Variants in THSD7B observed in about 807,000 individuals in gnomAD.
THSD7B encodes thrombospondin type-1 domain-containing protein 7B.
In THSD7B, 138 loss-of-function variants were observed where a neutral mutation model predicts 213.6. That is an observed-to-expected ratio of 0.65 (90% CI 0.56 to 0.74). THSD7B has a LOEUF of 0.74. Among genes scored for constraint, THSD7B ranks in the 30% least tolerant of loss-of-function variants. The pLI is 0.00. For missense variants in THSD7B, 1,931 were observed against 1,991.5 expected, an observed-to-expected ratio of 0.97 and a Z score of 0.58; for synonymous variants, 742 against 687.0, an observed-to-expected ratio of 1.08 and a Z score of -1.25.
chr2:136,785,993 T>C (rs1481553061), intron 1 of THSD7B, among the ~76,000 whole-genome samples: 1 of 152,180 alleles, frequency 6.6e-6, no homozygotes, highest in Non-Finnish European at 1.5e-5. Flanking sequence ...CAGAAAAAAG[T>C]TTAACTGACA....
At chr2:136,815,989 A>G (rs1682466673) in intron 1 of THSD7B, among the ~76,000 whole-genome samples, 1 of 152,034 alleles carries the variant, frequency 6.6e-6, no homozygotes, top group South Asian at 2.1e-4. Flanking sequence ...GGCTCAAGTG[A>G]TCCTCCTGCC....
At chr2:137,521,450 T>C (rs1466792069) in intron 15 of THSD7B, among the ~76,000 whole-genome samples, 1 of 152,042 alleles carries the variant, frequency 6.6e-6, no homozygotes, top group African/African-American at 2.4e-5. Context: ...GCAGCACACC[T>C]TCATCTAAGG....
intron 12 of THSD7B, among the ~76,000 whole-genome samples, chr2:137,283,365 C>G (rs1683083474): frequency 6.6e-6 from 1 of 152,180 alleles, no homozygotes; most frequent in African/African-American, 2.4e-5. Flanking sequence ...TTGACTTCCT[C>G]TTTTCCTAAT....
intron 1 of THSD7B, among the ~76,000 whole-genome samples, chr2:136,786,134 G>A (rs1681843222): frequency 6.7e-6 from 1 of 149,058 alleles, no homozygotes. Context: ...ATGCAGTGTA[G>A]ACAATTAGAC....
intron 1 of THSD7B, among the ~76,000 whole-genome samples, chr2:136,802,930 T>C (rs1480003188): frequency 2.0e-5 from 3 of 151,830 alleles, no homozygotes; most frequent in African/African-American, 7.3e-5. Context: ...ACATTTTGCC[T>C]ACATCAGAGC....
At chr2:137,310,989 C>G (rs1683889177) in intron 12 of THSD7B, among the ~76,000 whole-genome samples, 1 of 150,790 alleles carries the variant, frequency 6.6e-6, no homozygotes. Context: ...GTGATGCGGG[C>G]TCTTTTTTGC....
In THSD7B at chr2:137,321,734, G is replaced by A. The variant is rs545780835; in HGVS notation, c.2500+45708G>A. Among the ~76,000 whole-genome samples, 3 of 152,312 alleles carry A rather than the reference G, an allele frequency of 2.0e-5. No homozygotes were observed. The East Asian group carries it at 5.8e-4, about 29-fold the overall frequency. ...AAGGGCCTTCAAATGAACGTTCCAG[G>A]ATGGTGAGCAGTGCATCCCTTTCAA... On this transcript the variant is annotated intron_variant, in intron 12 of 27. Transcript: ENST00000409968.
chr2:137,379,330 A>G (rs1482418452), intron 12 of THSD7B, among the ~76,000 whole-genome samples: 3 of 152,236 alleles, frequency 2.0e-5, no homozygotes, highest in Admixed American at 6.5e-5. Context: ...GCAGCTTTGC[A>G]TATGGTACTT....
intron 1 of THSD7B, among the ~76,000 whole-genome samples, chr2:136,839,526 C>T (rs1025851756): frequency 6.6e-6 from 1 of 152,182 alleles, no homozygotes; most frequent in East Asian, 1.9e-4. Context: ...TATTGTTTCA[C>T]TATATACTCA....
intron 12 of THSD7B, among the ~76,000 whole-genome samples, chr2:137,320,935 G>A (rs1004763198): frequency 6.6e-6 from 1 of 152,198 alleles, no homozygotes; most frequent in African/African-American, 2.4e-5. Context: ...TGCAGCAAAT[G>A]CATGTGGGAT....
intron 20 of THSD7B, among the ~76,000 whole-genome samples, chr2:137,629,278 G>C (rs1270303405): frequency 6.6e-6 from 1 of 152,162 alleles, no homozygotes; most frequent in Non-Finnish European, 1.5e-5. Flanking sequence ...TCAATGCAAG[G>C]AGACAAGAAA....
chr2:136,855,788 T>G (rs1480495427), intron 1 of THSD7B, among the ~76,000 whole-genome samples: 1 of 151,954 alleles, frequency 6.6e-6, no homozygotes, highest in African/African-American at 2.4e-5. Context: ...CATTCTTCTC[T>G]TATCACTCCC....
chr2:136,972,125 C>G (rs532045412), intron 2 of THSD7B, among the ~76,000 whole-genome samples: 1 of 152,166 alleles, frequency 6.6e-6, no homozygotes, highest in South Asian at 2.1e-4. Flanking sequence ...CAATCACTGT[C>G]AAGGAGAATG....
rs1685774474 is a variant in THSD7B at position 136,991,134 on chromosome 2, A to G, written c.140-65286A>G. Among the ~76,000 whole-genome samples the G allele has an allele frequency of 2.0e-5, 3 of 152,234 alleles. No homozygotes were observed. In the South Asian group the frequency reaches 6.2e-4, roughly 31 times the overall value. On this transcript the variant is annotated intron_variant, in intron 2 of 27. Coordinates refer to ENST00000409968, the MANE Select transcript of THSD7B (RefSeq NM_001316349.2). ...TCATAAAGTACTAGGCATATAATTT[A>G]GCATTTTAAAACTCAAGAGATTTTT...
At chr2:136,894,177 G>T (rs1404141485) in intron 2 of THSD7B, among the ~76,000 whole-genome samples, 3 of 152,186 alleles carry the variant, frequency 2.0e-5, no homozygotes, top group African/African-American at 7.2e-5. Context: ...TTCCCTCAGG[G>T]TTAATAATTT....
At chr2:136,964,958 G>C (rs564269147) in intron 2 of THSD7B, among the ~76,000 whole-genome samples, 1 of 144,874 alleles carries the variant, frequency 6.9e-6, no homozygotes, top group East Asian at 2.1e-4. Flanking sequence ...CCAAGATCAT[G>C]CCACTGTATT....
At chr2:137,317,319 A>G (rs1215940722) in intron 12 of THSD7B, among the ~76,000 whole-genome samples, 5 of 152,208 alleles carry the variant, frequency 3.3e-5, no homozygotes, top group African/African-American at 1.2e-4. Flanking sequence ...GTTTGTTGAT[A>G]TTGTATAATG....
intron 1 of THSD7B, among the ~76,000 whole-genome samples, chr2:136,840,381 A>AAAATAAATAAATAAAAAAT (rs1682903907): frequency 6.6e-6 from 1 of 152,140 alleles, no homozygotes; most frequent in African/African-American, 2.4e-5. Flanking sequence ...CTCTGTCTCA[A>AAAATAAATAAATAAAAAAT]AAATAAATAA....
intron 15 of THSD7B, chr2:137,538,415 C>A (rs1573693231): frequency 4.2e-6 from 2 of 481,072 alleles, no homozygotes; most frequent in Non-Finnish European, 8.1e-6. Context: ...ATTATAATAG[C>A]AGTTCCACTA....
Sources: allele counts gnomAD v4.1 joint callset (sites outside exome capture counted in the v4.1 genomes callset), GRCh38; gene constraint gnomAD v4.1.1; transcripts MANE v1.5; gene names NCBI Gene and HGNC (gene_info 2026-07-23, HGNC 2026-07-21).